The following GALNTL6 variants were observed in gnomAD, a reference collection of about 807,000 sequenced individuals.
GALNTL6 encodes the protein polypeptide N-acetylgalactosaminyltransferase-like 6.
A neutral mutation model predicts 73.7 loss-of-function variants in GALNTL6; 46 were observed. The observed-to-expected ratio is 0.62, with a 90% CI of 0.49 to 0.80. The LOEUF (loss-of-function observed/expected upper bound fraction) is 0.80, where lower values mean the gene tolerates loss of function less well. Ranked by LOEUF, GALNTL6 falls within the 30% of genes least tolerant of loss-of-function variation. GALNTL6 has a pLI of 0.00. For missense variants in GALNTL6, 604 were observed against 755.0 expected (o/e 0.80, Z 2.34); for synonymous variants, 259 against 263.7 (o/e 0.98, Z 0.17).
chr4:172,275,312 A>G (rs1394981463), intron 3 of GALNTL6, among the ~76,000 whole-genome samples: 1 of 152,212 alleles, frequency 6.6e-6, no homozygotes, highest in Non-Finnish European at 1.5e-5. Context: ...CTGTGGTATC[A>G]TGTAGGTAAA....
chr4:172,922,719 C>T (rs1747856492), intron 8 of GALNTL6, among the ~76,000 whole-genome samples: 1 of 152,212 alleles, frequency 6.6e-6, no homozygotes, highest in Admixed American at 6.5e-5. Context: ...CCATATTCAC[C>T]TACTCCACAA....
At chr4:172,534,577 A>AT (rs34159994) in intron 5 of GALNTL6, among the ~76,000 whole-genome samples, 31,128 of 150,304 alleles carry the variant, frequency 0.21, 3,449 homozygotes, top group African/African-American at 0.28. Context: ...TAAATGAGAA[A>AT]TTTTTTTTTT....
chr4:172,617,978 C>T (rs1026670126), intron 5 of GALNTL6, among the ~76,000 whole-genome samples: 2 of 152,200 alleles, frequency 1.3e-5, no homozygotes, highest in African/African-American at 4.8e-5. Flanking sequence ...ATCTGGAACC[C>T]TGTCTTGCCT....
intron 5 of GALNTL6, among the ~76,000 whole-genome samples, chr4:172,416,598 GTTTTTATTGATAC>G (rs1175404819): frequency 2.0e-5 from 3 of 151,892 alleles, no homozygotes; most frequent in African/African-American, 7.3e-5. Flanking sequence ...GTTCAATTTT[GTTTTTATTGATAC>G]TTTTTATTGA....
At chr4:171,960,747 A>G (rs1043185250) in intron 2 of GALNTL6, among the ~76,000 whole-genome samples, 1 of 150,976 alleles carries the variant, frequency 6.6e-6, no homozygotes, top group African/African-American at 2.4e-5. Flanking sequence ...TTAGAACCTT[A>G]CTAGGAAGGT....
At chr4:172,374,357 A>G (rs1457442132) in intron 5 of GALNTL6, among the ~76,000 whole-genome samples, 1 of 152,124 alleles carries the variant, frequency 6.6e-6, no homozygotes, top group Non-Finnish European at 1.5e-5. Flanking sequence ...TAATGCCTCC[A>G]AATTTTGTTC....
At chr4:172,617,732 C>T (rs974338808) in intron 5 of GALNTL6, among the ~76,000 whole-genome samples, 5 of 152,214 alleles carry the variant, frequency 3.3e-5, no homozygotes, top group African/African-American at 4.8e-5. Context: ...CTACCCGCCT[C>T]GGCCTCCCTA....
At chr4:172,665,538 G>T (rs973380825) in intron 5 of GALNTL6, among the ~76,000 whole-genome samples, 1 of 152,190 alleles carries the variant, frequency 6.6e-6, no homozygotes, top group Admixed American at 6.5e-5. Flanking sequence ...CACACCTGCA[G>T]TCCCATTCCA....
intron 2 of GALNTL6, among the ~76,000 whole-genome samples, chr4:172,018,641 G>A (rs1741292013): frequency 6.6e-6 from 1 of 152,090 alleles, no homozygotes; most frequent in Admixed American, 6.6e-5. Context: ...CTTCAATGCT[G>A]AGAAAGCAAG....
Position 172,043,483 on chromosome 4 carries a change from C to A in GALNTL6, c.139-186173C>A, listed in dbSNP as rs114843660. 6.9e-3 allele frequency among the ~76,000 whole-genome samples: 1,051 copies of A among 152,034 alleles called. 7 individuals are homozygous for A. The highest frequency in any genetic ancestry group is 0.019 in the African/African-American group (780 of 41,518). On this transcript the variant is annotated intron_variant, in intron 2 of 12. Coordinates refer to ENST00000506823, the MANE Select transcript of GALNTL6 (RefSeq NM_001034845.3). ...AGCACTGTGAGCTATGGATCATATG[C>A]ATTTATTTACTCACATGTATACACA... is the stretch of plus-strand genomic sequence containing the variant.
At chr4:171,877,114 C>G (rs1191002137) in intron 2 of GALNTL6, among the ~76,000 whole-genome samples, 2 of 152,262 alleles carry the variant, frequency 1.3e-5, no homozygotes, top group African/African-American at 4.8e-5. Context: ...TCTCCACTTT[C>G]AAAATTCAGT....
chr4:172,905,940 C>A (rs1437359394), intron 8 of GALNTL6, among the ~76,000 whole-genome samples: 2 of 151,520 alleles, frequency 1.3e-5, no homozygotes, highest in Non-Finnish European at 2.9e-5. Context: ...TGCAGGATGG[C>A]AAAACAGGGC....
chr4:172,245,455 C>A (rs1737626356), intron 3 of GALNTL6, among the ~76,000 whole-genome samples: 1 of 152,064 alleles, frequency 6.6e-6, no homozygotes, highest in South Asian at 2.1e-4. Context: ...TCAACACGTT[C>A]TCAGAAGAAG....
At chr4:172,133,176 AACACAT>A (rs1419012603) in intron 2 of GALNTL6, among the ~76,000 whole-genome samples, 6 of 152,332 alleles carry the variant, frequency 3.9e-5, no homozygotes, top group African/African-American at 9.6e-5. Flanking sequence ...TAAGCACAGC[AACACAT>A]ACAAATATAA....
chr4:172,719,248 A>G (rs904538272), intron 5 of GALNTL6, among the ~76,000 whole-genome samples: 1 of 152,224 alleles, frequency 6.6e-6, no homozygotes, highest in African/African-American at 2.4e-5. Context: ...AGAAACAAGC[A>G]TGAATTTTCA....
At chr4:172,191,198 C>G (rs1395949675) in intron 2 of GALNTL6, among the ~76,000 whole-genome samples, 2 of 152,186 alleles carry the variant, frequency 1.3e-5, no homozygotes, top group Admixed American at 6.6e-5. Flanking sequence ...TTCACATAAA[C>G]TAGGGTTATT....
intron 5 of GALNTL6, among the ~76,000 whole-genome samples, chr4:172,560,985 G>T (rs1736331490): frequency 6.6e-6 from 1 of 151,996 alleles, no homozygotes; most frequent in African/African-American, 2.4e-5. Flanking sequence ...CGGGCGCGGT[G>T]GCTCACGCCT....
intron 5 of GALNTL6, among the ~76,000 whole-genome samples, chr4:172,400,962 A>G (rs1744013236): frequency 6.6e-6 from 1 of 152,172 alleles, no homozygotes; most frequent in African/African-American, 2.4e-5. Flanking sequence ...ACATTTCACT[A>G]CAAATGATAA....
At chr4:172,795,014 A>G (rs1233042035) in intron 5 of GALNTL6, among the ~76,000 whole-genome samples, 1 of 152,226 alleles carries the variant, frequency 6.6e-6, no homozygotes, top group Non-Finnish European at 1.5e-5. Context: ...AATGAGTTCA[A>G]GAGAGAATGA....
Sources: allele counts gnomAD v4.1 joint callset (sites outside exome capture counted in the v4.1 genomes callset), GRCh38; gene constraint gnomAD v4.1.1; transcripts MANE v1.5; gene names NCBI Gene and HGNC (gene_info 2026-07-23, HGNC 2026-07-21).